The following SYNE3 variants were observed in gnomAD, a reference collection of about 807,000 sequenced individuals.
The protein encoded by SYNE3 is spectrin repeat containing nuclear envelope family member 3.
SYNE3 carries 100 observed loss-of-function variants against 111.2 expected under a neutral mutation model. The ratio of observed to expected loss-of-function variants is 0.90; its 90% CI spans 0.77 to 1.06. The LOEUF is 1.06. Ranked by LOEUF, SYNE3 falls within the 50% of genes least tolerant of loss-of-function variation. The pLI, the probability that SYNE3 is intolerant of heterozygous loss-of-function variation, is 0.00. For synonymous variants in SYNE3, 547 were observed against 533.9 expected (o/e 1.02, Z -0.34); for missense variants, 1,160 against 1,240.3 (o/e 0.94, Z 0.97).
intron 17 of SYNE3, among the ~76,000 whole-genome samples, chr14:95,423,328 C>T (rs1340856150): frequency 6.6e-6 from 1 of 152,156 alleles, no homozygotes; most frequent in Middle Eastern, 3.2e-3. Flanking sequence ...TTCCTCTCCT[C>T]CCGCCACTTC....
At position 95,445,967 on chromosome 14, in the gene SYNE3, G is replaced by A; in HGVS notation, c.1574C>T (p.Ser525Phe). 5 of 1,614,114 alleles carry A rather than the reference G, an allele frequency of 3.1e-6. No homozygotes were observed. The highest frequency in any genetic ancestry group is 3.3e-4 in the Middle Eastern group (2 of 6,062). ...ATGCAGCAGGTCTCTGTCCCTCATG[G>A]AACCTGCCACCTGCTCCAGGAGTGC... ...ATALLEQVAG[S>F]MRDRDLLHNS... is the part of the protein sequence containing the mutation. The change falls in exon 9 of 18, where the codon TCC (serine) becomes TTC (phenylalanine). Residue 525 changes from serine (S) to phenylalanine (F), a missense_variant. Ser to Phe is a radical substitution (Grantham distance 155). Transcript: ENST00000682763.
At chr14:95,426,633 A>C (rs1187752) in intron 17 of SYNE3, among the ~76,000 whole-genome samples, 88,266 of 151,956 alleles carry the variant, frequency 0.58, 26,864 homozygotes, top group Admixed American at 0.67. Flanking sequence ...GGTGCCGAGG[A>C]AAGAGACCGA....
intron 17 of SYNE3, among the ~76,000 whole-genome samples, chr14:95,423,083 G>A (rs1885224350): frequency 6.6e-6 from 1 of 152,248 alleles, no homozygotes; most frequent in Admixed American, 6.5e-5. Flanking sequence ...GGCAGTGGCT[G>A]GGCAGGGGGC....
At chr14:95,433,548 C>T in intron 15 of SYNE3, 139 bp from the exon 16 acceptor site, 1 of 1,238,446 alleles carries the variant, frequency 8.1e-7, no homozygotes, top group Non-Finnish European at 1.1e-6. Context: ...TAAAGTGGGA[C>T]TCCCATCTGT....
chr14:95,468,318 AT>A (rs1167821889), intron 2 of SYNE3, among the ~76,000 whole-genome samples: 1 of 152,072 alleles, frequency 6.6e-6, no homozygotes, highest in Non-Finnish European at 1.5e-5. Context: ...TATCTCTCAG[AT>A]TTTTTTCAGG....
At chr14:95,515,872 G>T (rs1445221608) in intron 1 of SYNE3, among the ~76,000 whole-genome samples, 3 of 152,218 alleles carry the variant, frequency 2.0e-5, no homozygotes, top group Non-Finnish European at 4.4e-5. Flanking sequence ...CAGCTGGGCG[G>T]TGTAGGACAC....
chr14:95,466,276 C>T, intron 3 of SYNE3, 36 bp from the exon 4 acceptor site: 2 of 1,528,158 alleles, frequency 1.3e-6, no homozygotes, highest in South Asian at 2.5e-5. Context: ...GTGAGGGAAC[C>T]AGCCACCTGC....
chr14:95,434,089 G>A (rs1182304598), intron 15 of SYNE3, among the ~76,000 whole-genome samples: 1 of 151,962 alleles, frequency 6.6e-6, no homozygotes, highest in Non-Finnish European at 1.5e-5. Context: ...GCGGTGGGGG[G>A]AATGAGAGGA....
intron 1 of SYNE3, among the ~76,000 whole-genome samples, chr14:95,484,085 A>G (rs1009961694): frequency 1.6e-4 from 24 of 152,174 alleles, no homozygotes; most frequent in Admixed American, 6.5e-5. Context: ...AATGAAACCC[A>G]AGTTCCCTAG....
intron 3 of SYNE3, among the ~76,000 whole-genome samples, chr14:95,466,909 C>G (rs924778775): frequency 6.6e-6 from 1 of 152,232 alleles, no homozygotes; most frequent in African/African-American, 2.4e-5. Context: ...AATGCTGCCC[C>G]ACTGACATCT....
intron 2 of SYNE3, among the ~76,000 whole-genome samples, chr14:95,475,286 T>C (rs1888809194): frequency 6.6e-6 from 1 of 152,188 alleles, no homozygotes; most frequent in Admixed American, 6.5e-5. Flanking sequence ...CCAACCCAGA[T>C]CTGGCAGGGA....
Position 95,475,787 on chromosome 14 carries a change from C to A in SYNE3, c.35G>T (p.Ser12Ile), listed in dbSNP as rs766885763. 1.3e-6 allele frequency: 2 copies of A among 1,595,522 alleles called. No individual in the cohort carries two copies. Among genetic ancestry groups the A allele is most frequent in the Non-Finnish European group, 1.7e-6 (2 of 1,172,392 alleles). ...TQQPQDDFDR[S>I]VEDAQAWMKA... The stretch of plus-strand genomic sequence containing the variant: ...CATCCATGCCTGGGCATCCTCCACG[C>A]TCCTGTCAAAGTCGTCCTGGGGCTG... Residue 12 changes from serine (S) to isoleucine (I), a missense_variant, in exon 2 of 18, where the codon AGC becomes ATC. By Grantham distance (142) the Ser-to-Ile change is moderately radical. Transcript: ENST00000682763.
intron 12 of SYNE3, 25 bp downstream of exon 12, chr14:95,439,889 G>A (rs1886312485): frequency 6.2e-7 from 1 of 1,603,118 alleles, no homozygotes; most frequent in African/African-American, 1.3e-5. Context: ...TCTTTGGGAA[G>A]TGGGTGAGGG....
rs540541757 is a variant in SYNE3, at chr14:95,505,073, C to T, written c.-15+11523G>A. On this transcript the variant is annotated intron_variant, in intron 1 of 17. Transcript: ENST00000682763. ...AGTCCAGGCCTGGGAAGCAGCAGTGCTGGGTCCTGCCTTGGGACTCCGGGC... is the reference window on the plus strand; with the variant it reads ...AGTCCAGGCCTGGGAAGCAGCAGTGTTGGGTCCTGCCTTGGGACTCCGGGC... Among the ~76,000 whole-genome samples, 48 of 152,364 alleles carry T rather than the reference C, an allele frequency of 3.2e-4. 2 individuals are homozygous for T. Among genetic ancestry groups the T allele is most frequent in the African/African-American group, 1.1e-3 (46 of 41,598 alleles).
chr14:95,443,686 G>A (rs556192314), intron 10 of SYNE3: 20 of 158,276 alleles, frequency 1.3e-4, no homozygotes, highest in African/African-American at 9.6e-5. Context: ...TCACTCTGTC[G>A]CCCAGGCTGG....
intron 1 of SYNE3, among the ~76,000 whole-genome samples, chr14:95,511,854 C>T (rs1244692257): frequency 7.9e-5 from 12 of 152,164 alleles, no homozygotes; most frequent in Admixed American, 7.2e-4. Context: ...GTCTGTCTGT[C>T]GGGTGGTGTC....
chr14:95,477,401 T>G (rs1165249182), intron 1 of SYNE3, among the ~76,000 whole-genome samples: 1 of 152,142 alleles, frequency 6.6e-6, no homozygotes, highest in Non-Finnish European at 1.5e-5. Flanking sequence ...GGAAGTTTGT[T>G]TTTTTTTCCC....
chr14:95,495,810 C>T (rs747480064), intron 1 of SYNE3, among the ~76,000 whole-genome samples: 6 of 152,220 alleles, frequency 3.9e-5, no homozygotes, highest in African/African-American at 9.6e-5. Flanking sequence ...GAGAGACAGA[C>T]GGGGTGGAGG....
intron 1 of SYNE3, among the ~76,000 whole-genome samples, chr14:95,511,778 GGTAT>G (rs1890730757): frequency 6.6e-6 from 1 of 152,032 alleles, no homozygotes; most frequent in Non-Finnish European, 1.5e-5. Flanking sequence ...TTTAATCTCA[GGTAT>G]ACTTCCCGTC....
Sources: gnomAD v4.1 joint callset for allele counts (sites outside exome capture counted in the v4.1 genomes callset) on GRCh38, gnomAD v4.1.1 for gene constraint, MANE v1.5 for transcripts, NCBI Gene and HGNC (gene_info 2026-07-23, HGNC 2026-07-21) for gene names.